EPHB1: variants seen among roughly 807,000 people sequenced by gnomAD.
The protein encoded by EPHB1 is ephrin type-B receptor 1.
Under a neutral mutation model 94.4 loss-of-function variants are expected in EPHB1, and 30 were observed. The ratio of observed to expected loss-of-function variants is 0.32; its 90% CI spans 0.24 to 0.43. EPHB1 has a LOEUF of 0.43. EPHB1 is among the 20% of genes least tolerant of loss of function. EPHB1 has a pLI of 1.00. For synonymous variants in EPHB1, 522 were observed against 489.1 expected, an observed-to-expected ratio of 1.07 and a Z score of -0.89; for missense variants, 1,055 against 1,308.3, an observed-to-expected ratio of 0.81 and a Z score of 2.99.
At chr3:134,843,314 G>A (rs1187689173) in intron 1 of EPHB1, among the ~76,000 whole-genome samples, 1 of 152,020 alleles carries the variant, frequency 6.6e-6, no homozygotes, top group African/African-American at 2.4e-5. Flanking sequence ...CATTGAAAAT[G>A]TTGTCTTTGT....
chr3:134,966,288 C>A (rs1933742372), intron 3 of EPHB1, among the ~76,000 whole-genome samples: 1 of 152,096 alleles, frequency 6.6e-6, no homozygotes, highest in African/African-American at 2.4e-5. Flanking sequence ...CTTTTAAGAG[C>A]CAGTGAGGAA....
intron 1 of EPHB1, among the ~76,000 whole-genome samples, chr3:134,803,272 C>A (rs536612139): frequency 6.6e-5 from 10 of 152,306 alleles, no homozygotes; most frequent in Admixed American, 5.9e-4. Flanking sequence ...AATTTAACCT[C>A]CTTGCTCTGC....
intron 15 of EPHB1, among the ~76,000 whole-genome samples, chr3:135,255,564 G>A (rs1381924830): frequency 4.0e-5 from 6 of 148,156 alleles, no homozygotes; most frequent in African/African-American, 1.5e-4. Flanking sequence ...TAGTTTGATT[G>A]CACTGTGGTC....
rs115326380 is a variant in EPHB1 at position 135,142,366 on chromosome 3, C to T, written c.1297+9317C>T. On this transcript the variant is annotated intron_variant, in intron 5 of 15. Transcript: ENST00000398015. ...TGGCTTTCTCAGCAGTATATGGTTC[C>T]GGGACAGCAGGCCCTACAAGAAACA... is the stretch of plus-strand genomic sequence containing the variant. Among the ~76,000 whole-genome samples, 450 of 152,250 alleles carry T rather than the reference C, an allele frequency of 3.0e-3. 2 individuals carry two copies. The highest frequency in any genetic ancestry group is 3.5e-3 in the South Asian group (17 of 4,818).
chr3:134,924,283 A>G (rs2038746147), intron 1 of EPHB1, among the ~76,000 whole-genome samples: 1 of 152,238 alleles, frequency 6.6e-6, no homozygotes, highest in African/African-American at 2.4e-5. Context: ...TTTTTGAAAG[A>G]CACTGTTATG....
Position 134,906,638 on chromosome 3 carries a change from G to A in EPHB1, c.59-19178G>A, listed in dbSNP as rs188535992. 6.6e-4 allele frequency among the ~76,000 whole-genome samples: 100 copies of A among 152,330 alleles called. 1 individual carries two copies. In the Middle Eastern group the frequency reaches 0.02, roughly 31 times the overall value. ...CTTACATGAGGTAATGGCAATGGCA[G>A]AATTGAGTAGTTGCAACAGAGATCT... is the stretch of plus-strand genomic sequence containing the variant. On this transcript the variant is annotated intron_variant, in intron 1 of 15. Transcript: ENST00000398015.
At chr3:135,169,329 G>A (rs1941741123) in intron 9 of EPHB1, among the ~76,000 whole-genome samples, 1 of 152,132 alleles carries the variant, frequency 6.6e-6, no homozygotes, top group Admixed American at 6.5e-5. Context: ...AGGGTTTTTT[G>A]TGGGTCTGGG....
intron 10 of EPHB1, among the ~76,000 whole-genome samples, chr3:135,184,398 G>T (rs1942274511): frequency 6.6e-6 from 1 of 152,142 alleles, no homozygotes; most frequent in African/African-American, 2.4e-5. Context: ...TGTGAGCCAG[G>T]TGTGATGCCA....
At chr3:135,206,216 T>C (rs922377432) in intron 12 of EPHB1, among the ~76,000 whole-genome samples, 4 of 152,200 alleles carry the variant, frequency 2.6e-5, no homozygotes, top group Admixed American at 6.5e-5. Context: ...GTTCCTTTTA[T>C]TGCTGAGTAA....
intron 1 of EPHB1, among the ~76,000 whole-genome samples, chr3:134,878,205 TAAG>T (rs2037657755): frequency 6.6e-6 from 1 of 152,244 alleles, no homozygotes; most frequent in Non-Finnish European, 1.5e-5. Flanking sequence ...TGTTATGAAT[TAAG>T]AACAAGTTTT....
intron 5 of EPHB1, among the ~76,000 whole-genome samples, chr3:135,146,333 T>C (rs1047087121): frequency 4.6e-5 from 7 of 152,162 alleles, no homozygotes; most frequent in Non-Finnish European, 8.8e-5. Context: ...TTTAGAAAGA[T>C]TAATATGGCT....
chr3:134,896,358 T>C (rs2038087267), intron 1 of EPHB1, among the ~76,000 whole-genome samples: 1 of 152,186 alleles, frequency 6.6e-6, no homozygotes, highest in Non-Finnish European at 1.5e-5. Flanking sequence ...TGGATGTGGA[T>C]TGCCTCATCA....
At chr3:134,989,165 A>G (rs997929960) in intron 3 of EPHB1, among the ~76,000 whole-genome samples, 1 of 152,192 alleles carries the variant, frequency 6.6e-6, no homozygotes, top group African/African-American at 2.4e-5. Flanking sequence ...GTGGTGAAGC[A>G]GGATCACAGG....
chr3:135,235,065 G>C (rs1341793400), intron 12 of EPHB1, among the ~76,000 whole-genome samples: 1 of 152,216 alleles, frequency 6.6e-6, no homozygotes, highest in Admixed American at 6.5e-5. Flanking sequence ...GCTCATTGGA[G>C]TCACCTGGGG....
intron 1 of EPHB1, among the ~76,000 whole-genome samples, chr3:134,855,603 G>T (rs947916348): frequency 2.6e-5 from 4 of 152,190 alleles, no homozygotes; most frequent in African/African-American, 7.2e-5. Flanking sequence ...TGCAGACTGA[G>T]CCATAACCTG....
At chr3:134,796,910 T>G (rs1198748357) in intron 1 of EPHB1, among the ~76,000 whole-genome samples, 1 of 152,234 alleles carries the variant, frequency 6.6e-6, no homozygotes, top group East Asian at 1.9e-4. Flanking sequence ...CTCGCGAAAC[T>G]GTGACCGGTT....
chr3:135,125,073 G>GT (rs34038563), intron 4 of EPHB1, among the ~76,000 whole-genome samples: 4 of 151,636 alleles, frequency 2.6e-5, no homozygotes, highest in Non-Finnish European at 5.9e-5. Flanking sequence ...TGCTTGGTCT[G>GT]TTTTTTTCTG....
At chr3:134,886,765 G>T (rs2037871406) in intron 1 of EPHB1, among the ~76,000 whole-genome samples, 1 of 149,416 alleles carries the variant, frequency 6.7e-6, no homozygotes, top group African/African-American at 2.5e-5. Context: ...TAATTATCCT[G>T]TTTTTTTTTT....
At chr3:135,179,091 A>C (rs906853605) in intron 9 of EPHB1, among the ~76,000 whole-genome samples, 2 of 151,958 alleles carry the variant, frequency 1.3e-5, no homozygotes, top group African/African-American at 4.8e-5. Context: ...CTTTGTCCCC[A>C]TGCACACCTA....
Sources: allele counts gnomAD v4.1 joint callset (sites outside exome capture counted in the v4.1 genomes callset), GRCh38; gene constraint gnomAD v4.1.1; transcripts MANE v1.5; gene names NCBI Gene and HGNC (gene_info 2026-07-23, HGNC 2026-07-21).